MED13L: variants seen among roughly 807,000 people sequenced by gnomAD.
The protein encoded by MED13L is mediator complex subunit 13L, also known as mediator of RNA polymerase II transcription subunit 13-like.
In MED13L, 7 loss-of-function variants were observed where a neutral mutation model predicts 220.9. That is an observed-to-expected ratio of 0.03 (90% CI 0.02 to 0.06). MED13L has a LOEUF of 0.06. MED13L is among the 10% of genes least tolerant of loss of function. The pLI is 1.00. For missense variants in MED13L, 1,965 were observed against 2,760.5 expected, an observed-to-expected ratio of 0.71 and a Z score of 6.46; for synonymous variants, 1,011 against 1,015.2, an observed-to-expected ratio of 1.00 and a Z score of 0.08.
At chr12:116,081,035 G>A (rs747514462) in intron 4 of MED13L, among the ~76,000 whole-genome samples, 4 of 152,168 alleles carry the variant, frequency 2.6e-5, no homozygotes, top group Non-Finnish European at 4.4e-5. Flanking sequence ...GTTCTTTAAA[G>A]GTCACAAATT....
At chr12:116,215,224 A>T (rs549873486) in intron 2 of MED13L, among the ~76,000 whole-genome samples, 2 of 152,332 alleles carry the variant, frequency 1.3e-5, no homozygotes, top group South Asian at 4.1e-4. Context: ...TCTAAATGAC[A>T]ATCAGTACTT....
At chr12:116,192,854 C>T (rs796508283) in intron 2 of MED13L, among the ~76,000 whole-genome samples, 2 of 151,888 alleles carry the variant, frequency 1.3e-5, no homozygotes, top group Admixed American at 6.6e-5. Context: ...AGGCATGGGC[C>T]GGGCGCCATG....
At chr12:116,004,916 T>C (rs1219230115) in intron 13 of MED13L, among the ~76,000 whole-genome samples, 1 of 152,214 alleles carries the variant, frequency 6.6e-6, no homozygotes, top group Non-Finnish European at 1.5e-5. Flanking sequence ...ACGTCGTATC[T>C]GAATGTCCAG....
chr12:116,152,368 T>C (rs912708650), intron 2 of MED13L, among the ~76,000 whole-genome samples: 1 of 152,184 alleles, frequency 6.6e-6, no homozygotes, highest in Non-Finnish European at 1.5e-5. Context: ...TAATAAGATA[T>C]TGTTTGTGGT....
intron 4 of MED13L, among the ~76,000 whole-genome samples, chr12:116,053,675 A>G (rs1419276072): frequency 6.6e-6 from 1 of 152,180 alleles, no homozygotes; most frequent in African/African-American, 2.4e-5. Context: ...CTAAGGTCAT[A>G]TAACTTGGAA....
At chr12:116,013,867 T>G (rs1879567724) in intron 8 of MED13L, among the ~76,000 whole-genome samples, 1 of 152,202 alleles carries the variant, frequency 6.6e-6, no homozygotes, top group Non-Finnish European at 1.5e-5. Context: ...CTCCCTGTTC[T>G]GTACTGCTGA....
intron 4 of MED13L, among the ~76,000 whole-genome samples, chr12:116,083,614 G>T (rs1176749973): frequency 6.6e-6 from 1 of 152,036 alleles, no homozygotes; most frequent in African/African-American, 2.4e-5. Flanking sequence ...GCTACTGGTT[G>T]GCAAATTCAG....
chr12:116,158,440 G>A (rs1000741186), intron 2 of MED13L, among the ~76,000 whole-genome samples: 12 of 152,220 alleles, frequency 7.9e-5, no homozygotes, highest in South Asian at 2.1e-4. Context: ...CAATCTCAGC[G>A]TGGTCCTATT....
Position 116,197,409 on chromosome 12 carries a change from A to G in MED13L, c.310+40059T>C, listed in dbSNP as rs139780448. On this transcript the variant is annotated intron_variant, in intron 2 of 30. Transcript: ENST00000281928. ...CATTCTTCAGTCATTTAGCACAACC[A>G]CTACTTTATTTTCATCAGTAAGATG... is the stretch of plus-strand genomic sequence containing the variant. 1.2e-4 allele frequency among the ~76,000 whole-genome samples: 18 copies of G among 152,224 alleles called. No individual in the cohort carries two copies. In the East Asian group the frequency reaches 3.5e-3, roughly 29 times the overall value.
At chr12:116,134,475 T>G (rs2138018401) in intron 2 of MED13L, among the ~76,000 whole-genome samples, 1 of 152,308 alleles carries the variant, frequency 6.6e-6, no homozygotes. Context: ...GCAAACTGGC[T>G]ATGTGGCTGA....
At chr12:116,200,934 T>A (rs1444831548) in intron 2 of MED13L, among the ~76,000 whole-genome samples, 1 of 152,108 alleles carries the variant, frequency 6.6e-6, no homozygotes, top group African/African-American at 2.4e-5. Context: ...AGGGCACATC[T>A]TCTGGGTTAA....
chr12:116,026,132 A>G (rs956590908), intron 4 of MED13L, among the ~76,000 whole-genome samples: 1 of 152,208 alleles, frequency 6.6e-6, no homozygotes, highest in African/African-American at 2.4e-5. Flanking sequence ...TGTGACTGGA[A>G]AGGAGTCAAA....
At chr12:116,212,368 T>C (rs1423178343) in intron 2 of MED13L, among the ~76,000 whole-genome samples, 2 of 152,198 alleles carry the variant, frequency 1.3e-5, no homozygotes, top group African/African-American at 2.4e-5. Flanking sequence ...ATAGTATTAT[T>C]ATTTTCCTGT....
chr12:116,206,730 C>A (rs938253326), intron 2 of MED13L, among the ~76,000 whole-genome samples: 1 of 151,950 alleles, frequency 6.6e-6, no homozygotes, highest in Non-Finnish European at 1.5e-5. Context: ...TCTATTTAAA[C>A]ATACTGAAAG....
intron 3 of MED13L, among the ~76,000 whole-genome samples, chr12:116,099,654 G>C (rs1486147174): frequency 6.6e-6 from 1 of 152,174 alleles, no homozygotes; most frequent in Non-Finnish European, 1.5e-5. Flanking sequence ...ATGTCTGAAA[G>C]TTTATTTGTT....
At chr12:115,999,601 T>C (rs1190132750) in intron 14 of MED13L, among the ~76,000 whole-genome samples, 1 of 152,102 alleles carries the variant, frequency 6.6e-6, no homozygotes, top group East Asian at 1.9e-4. Flanking sequence ...AGTACAGAAA[T>C]TGTATAAATT....
intron 3 of MED13L, among the ~76,000 whole-genome samples, chr12:116,105,242 A>ATTT (rs1351382572): frequency 1.3e-5 from 2 of 152,242 alleles, no homozygotes; most frequent in African/African-American, 4.8e-5. Flanking sequence ...AGTTAATCAT[A>ATTT]AATACCTAAC....
chr12:116,218,412 A>G (rs1439470613), intron 2 of MED13L, among the ~76,000 whole-genome samples: 1 of 152,190 alleles, frequency 6.6e-6, no homozygotes, highest in Non-Finnish European at 1.5e-5. Flanking sequence ...GCCAACAATT[A>G]TAATTATGTC....
chr12:115,973,611 A>G (rs1040613526), intron 25 of MED13L, among the ~76,000 whole-genome samples: 7 of 152,182 alleles, frequency 4.6e-5, no homozygotes, highest in African/African-American at 1.4e-4. Flanking sequence ...CTTCTTTCCT[A>G]TTATAGTCTA....
Sources: allele counts gnomAD v4.1 joint callset (sites outside exome capture counted in the v4.1 genomes callset), GRCh38; gene constraint gnomAD v4.1.1; transcripts MANE v1.5; gene names NCBI Gene and HGNC (gene_info 2026-07-23, HGNC 2026-07-21).